Variants in INPP4B observed in about 807,000 individuals in gnomAD.
INPP4B encodes the protein inositol polyphosphate-4-phosphatase type II B.
In INPP4B, 55 loss-of-function variants were observed where a neutral mutation model predicts 122.5. The observed-to-expected ratio is 0.45, with a 90% CI of 0.36 to 0.56. INPP4B has a LOEUF of 0.56. INPP4B is among the 20% of genes least tolerant of loss of function. The probability of loss-of-function intolerance (pLI) is 0.00; values close to 1 mark genes in which losing one functional copy is unlikely to be tolerated. For synonymous variants in INPP4B, 403 were observed against 388.7 expected, an observed-to-expected ratio of 1.04 and a Z score of -0.43; for missense variants, 1,000 against 1,097.7, an observed-to-expected ratio of 0.91 and a Z score of 1.26.
chr4:142,286,344 G>T (rs1207971377), intron 9 of INPP4B, among the ~76,000 whole-genome samples: 2 of 152,074 alleles, frequency 1.3e-5, no homozygotes, highest in Non-Finnish European at 2.9e-5. Flanking sequence ...CTAAATAAAA[G>T]AATCCATGTA....
chr4:142,430,546 CAAT>C (rs1369608627), intron 4 of INPP4B, among the ~76,000 whole-genome samples: 5 of 152,014 alleles, frequency 3.3e-5, no homozygotes, highest in African/African-American at 1.2e-4. Flanking sequence ...TCATGCTAAA[CAAT>C]AAAACCCAAA....
chr4:142,068,044 C>A (rs1162864334), intron 25 of INPP4B, among the ~76,000 whole-genome samples: 1 of 151,944 alleles, frequency 6.6e-6, no homozygotes. Flanking sequence ...TTCACAAAAG[C>A]TGAAAGGAAG....
chr4:142,114,478 G>A (rs1486902538), intron 21 of INPP4B, among the ~76,000 whole-genome samples: 1 of 151,986 alleles, frequency 6.6e-6, no homozygotes, highest in Non-Finnish European at 1.5e-5. Context: ...TGAAGGAAAT[G>A]GTATCTGTGA....
intron 2 of INPP4B, among the ~76,000 whole-genome samples, chr4:142,643,295 A>AAGAAT: frequency 6.6e-6 from 1 of 152,218 alleles, no homozygotes; most frequent in East Asian, 1.9e-4. Flanking sequence ...CAAGATAGAC[A>AAGAAT]AGAATAGTGT....
intron 2 of INPP4B, among the ~76,000 whole-genome samples, chr4:142,617,795 C>T (rs566813812): frequency 7.2e-4 from 110 of 152,172 alleles, no homozygotes; most frequent in African/African-American, 2.4e-3. Flanking sequence ...TTAGAGGATA[C>T]GCTTAGCATC....
chr4:142,405,970 C>T (rs1803261872), intron 5 of INPP4B, among the ~76,000 whole-genome samples: 1 of 152,026 alleles, frequency 6.6e-6, no homozygotes, highest in Non-Finnish European at 1.5e-5. Flanking sequence ...AAAAACTTTC[C>T]CTTGAGACAC....
chr4:142,037,516 A>C (rs1744729850), intron 25 of INPP4B, among the ~76,000 whole-genome samples: 1 of 152,202 alleles, frequency 6.6e-6, no homozygotes, highest in South Asian at 2.1e-4. Flanking sequence ...CAAGCTTCCC[A>C]AAGGAAAATT....
chr4:142,034,239 T>C (rs1443926172), intron 25 of INPP4B, among the ~76,000 whole-genome samples: 1 of 152,148 alleles, frequency 6.6e-6, no homozygotes, highest in South Asian at 2.1e-4. Context: ...CCCAGGGACA[T>C]TGGGCAATAT....
chr4:142,209,008 T>C lies in INPP4B; in HGVS notation c.855A>G (p.Glu285=). 6.2e-7 allele frequency: 1 copy of C among 1,603,596 alleles called. No homozygotes were observed. Among genetic ancestry groups the C allele is most frequent in the Non-Finnish European group, 8.5e-7 (1 of 1,173,448 alleles). Residue 285 remains glutamate (E), a synonymous_variant, in exon 13 of 26, where the codon GAA becomes GAG. Transcript: ENST00000262992. The part of the protein sequence containing the change: ...EDLCRNQEIK[E]LGELSPHWDN... Reference sequence around the variant, plus strand: ...CCCAATGTGGAGAAAGCTCACCAAGTTCTTTTATCTCCTGGTTTCTGTTAA... The same window carrying C: ...CCCAATGTGGAGAAAGCTCACCAAGCTCTTTTATCTCCTGGTTTCTGTTAA...
intron 9 of INPP4B, among the ~76,000 whole-genome samples, chr4:142,294,855 A>AAAAAAAAAAAAAAAAAAAAAAAAC: frequency 6.8e-6 from 1 of 146,542 alleles, no homozygotes; most frequent in Admixed American, 6.9e-5. Context: ...AAAAAAAAAA[A>AAAAAAAAAAAAAAAAAAAAAAAAC]AGGCAGACTT....
intron 1 of INPP4B, among the ~76,000 whole-genome samples, chr4:142,831,046 G>C (rs977270669): frequency 1.4e-5 from 2 of 145,288 alleles, no homozygotes; most frequent in African/African-American, 5.7e-5. Context: ...AAAAATAGAT[G>C]CAAGAGTGTA....
intron 2 of INPP4B, among the ~76,000 whole-genome samples, chr4:142,466,315 C>A (rs1192325474): frequency 9.2e-5 from 14 of 152,148 alleles, no homozygotes; most frequent in African/African-American, 3.4e-4. Context: ...GAATAAAAGT[C>A]ACCCTTCTCA....
chr4:142,253,019 A>T (rs1477596903), intron 11 of INPP4B, among the ~76,000 whole-genome samples: 1 of 152,224 alleles, frequency 6.6e-6, no homozygotes, highest in African/African-American at 2.4e-5. Flanking sequence ...CCTAGGCTAC[A>T]ATCTGTATAG....
chr4:142,675,169 C>T (rs181850459), intron 2 of INPP4B, among the ~76,000 whole-genome samples: 2 of 152,182 alleles, frequency 1.3e-5, no homozygotes, highest in African/African-American at 2.4e-5. Flanking sequence ...AAGGTAATAT[C>T]ACCACTGATA....
chr4:142,286,500 G>A (rs1475183048), intron 9 of INPP4B, among the ~76,000 whole-genome samples: 3 of 152,144 alleles, frequency 2.0e-5, no homozygotes, highest in Non-Finnish European at 2.9e-5. Context: ...GAATTGATAC[G>A]AAATTTGTAT....
chr4:142,173,848 A>G (rs766203911), intron 15 of INPP4B, 39 bp from the exon 16 acceptor site: 2 of 1,516,004 alleles, frequency 1.3e-6, no homozygotes, highest in African/African-American at 1.4e-5. Context: ...CACAAACAGC[A>G]TAATGAATGT....
chr4:142,447,496 A>G (rs1813157295), intron 3 of INPP4B, among the ~76,000 whole-genome samples: 1 of 152,212 alleles, frequency 6.6e-6, no homozygotes, highest in South Asian at 2.1e-4. Context: ...AGTTCAGGGT[A>G]CAGGCACAAA....
intron 7 of INPP4B, among the ~76,000 whole-genome samples, chr4:142,327,935 T>C (rs1380400984): frequency 1.3e-5 from 2 of 152,194 alleles, no homozygotes; most frequent in Non-Finnish European, 2.9e-5. Context: ...CCCTCTCCTA[T>C]GTTGCCTAAA....
At chr4:142,313,570 G>A (rs542866464) in intron 8 of INPP4B, among the ~76,000 whole-genome samples, 1 of 152,284 alleles carries the variant, frequency 6.6e-6, no homozygotes, top group East Asian at 1.9e-4. Context: ...GGCTGACAGA[G>A]GTCCATCTGC....
Sources: allele counts gnomAD v4.1 joint callset (sites outside exome capture counted in the v4.1 genomes callset), GRCh38; gene constraint gnomAD v4.1.1; transcripts MANE v1.5; gene names NCBI Gene and HGNC (gene_info 2026-07-23, HGNC 2026-07-21).